DOCK10: variants seen among roughly 807,000 people sequenced by gnomAD.
The protein encoded by DOCK10 is dedicator of cytokinesis 10, also known as dedicator of cytokinesis protein 10.
DOCK10 carries 145 observed loss-of-function variants against 280.1 expected under a neutral mutation model. That is an observed-to-expected ratio of 0.52 (90% CI 0.45 to 0.59). DOCK10 has a LOEUF of 0.59. Ranked by LOEUF, DOCK10 falls within the 20% of genes least tolerant of loss-of-function variation. The probability of loss-of-function intolerance (pLI) is 0.00; values close to 1 mark genes in which losing one functional copy is unlikely to be tolerated. For missense variants in DOCK10, 2,368 were observed against 2,651.7 expected (o/e 0.89, Z 2.35); for synonymous variants, 915 against 942.2 (o/e 0.97, Z 0.53).
In DOCK10 at chr2:224,773,295, C is replaced by T. The variant is rs1205980654; in HGVS notation, c.6066G>A (p.Ser2022=). ...CTTCAATTGGATTCAGTTCTGTGCT[C>T]GATTGGCTAATTACTTGTATTCTCT... ...VKKRIQVISQ[S]STELNPIEVA... Residue 2022 remains serine, a synonymous_variant, in exon 53 of 56, where the codon TCG becomes TCA. Coordinates refer to ENST00000258390, the MANE Select transcript of DOCK10 (RefSeq NM_014689.3). 4.3e-6 allele frequency: 7 copies of T among 1,613,734 alleles called. No homozygotes were observed. Among genetic ancestry groups the T allele is most frequent in the Non-Finnish European group, 5.1e-6 (6 of 1,179,832 alleles).
chr2:224,898,817 C>T (rs769068200), intron 3 of DOCK10, among the ~76,000 whole-genome samples: 7 of 152,192 alleles, frequency 4.6e-5, no homozygotes, highest in African/African-American at 7.2e-5. Context: ...CCTCGTGATC[C>T]GCCTGCCTTG....
At chr2:225,035,550 A>ATATATATATATATAT (rs1553634847) in intron 1 of DOCK10, among the ~76,000 whole-genome samples, 1 of 17,494 alleles carries the variant, frequency 5.7e-5, no homozygotes, top group African/African-American at 2.2e-4. Flanking sequence ...TATTATATAT[A>ATATATATATATATAT]TATATATATA....
At chr2:224,880,247 C>T (rs148854463) in intron 7 of DOCK10, among the ~76,000 whole-genome samples, 36 of 152,150 alleles carry the variant, frequency 2.4e-4, no homozygotes, top group African/African-American at 6.5e-4. Flanking sequence ...AATAAATATT[C>T]GATTTGAAAT....
rs12328236 is a variant in DOCK10 at position 224,807,743 on chromosome 2, G to A, written c.3627C>T (p.Tyr1209=). The change falls in exon 33 of 56, where the codon TAC becomes TAT. Residue 1209 remains tyrosine, a synonymous_variant. Transcript: ENST00000258390. ...AQIASLYMPL[Y]GMLLDNMPRI... is the part of the protein sequence containing the mutation. Reference sequence around the variant, plus strand: ...TTGGCATATTGTCCAGGAGCATGCCGTACAGGGGCATGTATAAACTTGCTA... The same window carrying A: ...TTGGCATATTGTCCAGGAGCATGCCATACAGGGGCATGTATAAACTTGCTA... The A allele has an allele frequency of 0.11, 177,371 of 1,570,956 alleles. 13,489 individuals carry two copies. The highest frequency in any genetic ancestry group is 0.39 in the African/African-American group (29,235 of 74,036).
At position 224,797,861 on chromosome 2, in the gene DOCK10, A is replaced by G. The variant is rs1292989425; in HGVS notation, c.4615T>C (p.Phe1539Leu). The stretch of plus-strand genomic sequence containing the variant: ...CATACAAACAGTCTCAAGGAGGCAA[A>G]CACATGCTTCAGCGCTGTGGCTGAC... The part of the protein sequence containing the change: ...NQSATALKHV[F>L]ASLRLFVCKF... Residue 1539 changes from phenylalanine to leucine, a missense_variant, in exon 42 of 56, where the codon TTT becomes CTT. Physicochemically the swap from Phe to Leu is conservative, Grantham distance 22. Transcript: ENST00000258390. The G allele has an allele frequency of 6.2e-7, 1 of 1,613,854 alleles. No individual in the cohort carries two copies. The highest frequency in any genetic ancestry group is 1.1e-5 in the South Asian group (1 of 91,078).
At chr2:225,002,214 T>G (rs578149588) in intron 1 of DOCK10, among the ~76,000 whole-genome samples, 58 of 152,356 alleles carry the variant, frequency 3.8e-4, no homozygotes, top group African/African-American at 1.3e-3. Context: ...GTTTACCTGA[T>G]GCTAAACTCT....
chr2:224,773,141 G>A lies in DOCK10; in HGVS notation c.6204+16C>T, dbSNP rs1227605719. On this transcript the variant is annotated intron_variant, in intron 53 of 55. Transcript: ENST00000258390. Reference sequence around the variant, plus strand: ...ATTGGCCATGTGCATCTCAGCCCTGGGCAATGCTTACTCACCTTCACGCTG... The same window carrying A: ...ATTGGCCATGTGCATCTCAGCCCTGAGCAATGCTTACTCACCTTCACGCTG... 8.1e-6 allele frequency: 13 copies of A among 1,596,040 alleles called. No homozygotes were observed. The highest frequency in any genetic ancestry group is 1.1e-5 in the Non-Finnish European group (13 of 1,167,360).
At chr2:224,839,836 T>G in intron 24 of DOCK10, 118 bp downstream of exon 24, 1 of 458,402 alleles carries the variant, frequency 2.2e-6, no homozygotes, top group East Asian at 3.3e-5. Flanking sequence ...TGCTTAAATT[T>G]GAGATGTGTT....
intron 1 of DOCK10, among the ~76,000 whole-genome samples, chr2:224,969,521 A>C (rs1704964734): frequency 6.6e-6 from 1 of 152,168 alleles, no homozygotes; most frequent in African/African-American, 2.4e-5. Context: ...AGGGCTGTTC[A>C]CTGGTTCATT....
At chr2:224,901,784 G>A (rs1366532774) in intron 3 of DOCK10, among the ~76,000 whole-genome samples, 1 of 152,226 alleles carries the variant, frequency 6.6e-6, no homozygotes, top group Admixed American at 6.5e-5. Context: ...GATTCCACAT[G>A]AGTGATAATG....
chr2:224,983,817 A>G (rs1165449530), intron 1 of DOCK10: 1 of 471,052 alleles, frequency 2.1e-6, no homozygotes, highest in East Asian at 6.9e-5. Flanking sequence ...GTGCTGCTGG[A>G]AAAAGAAGAA....
At chr2:224,934,121 T>A (rs10498173) in intron 1 of DOCK10, among the ~76,000 whole-genome samples, 1 of 151,896 alleles carries the variant, frequency 6.6e-6, no homozygotes, top group Non-Finnish European at 1.5e-5. Context: ...GATCGTATAG[T>A]GGTTAGTACT....
chr2:224,909,913 T>C, intron 3 of DOCK10, among the ~76,000 whole-genome samples: 1 of 152,086 alleles, frequency 6.6e-6, no homozygotes, highest in East Asian at 1.9e-4. Context: ...AGGAAGAAGC[T>C]GTTCATTTTA....
chr2:224,965,896 G>A (rs780846594), intron 1 of DOCK10, among the ~76,000 whole-genome samples: 6 of 152,110 alleles, frequency 3.9e-5, no homozygotes, highest in Non-Finnish European at 5.9e-5. Flanking sequence ...TTATTTTTGG[G>A]GGAATAAATT....
intron 19 of DOCK10, among the ~76,000 whole-genome samples, chr2:224,849,207 C>T (rs1218860315): frequency 6.6e-6 from 1 of 152,176 alleles, no homozygotes; most frequent in East Asian, 1.9e-4. Context: ...ATCTCCTGAC[C>T]TTGTGATCCG....
At chr2:224,778,305 C>T (rs748237328) in intron 50 of DOCK10, 21 bp from the exon 51 acceptor site, 5 of 1,584,792 alleles carry the variant, frequency 3.2e-6, no homozygotes, top group Non-Finnish European at 4.3e-6. Context: ...TAATGAACCA[C>T]CAATTTTATT....
At position 224,826,736 on chromosome 2, in the gene DOCK10, T is replaced by C. The variant is rs572470600; in HGVS notation, c.3037-3089A>G. On this transcript the variant is annotated intron_variant, in intron 27 of 55. Coordinates refer to ENST00000258390, the MANE Select transcript of DOCK10 (RefSeq NM_014689.3). ...AAACCCCATCTTTACTAAATATATA[T>C]AATTATCTATCTATCTATCTATCTA... Among the ~76,000 whole-genome samples the C allele has an allele frequency of 2.7e-3, 311 of 116,358 alleles. 2 individuals carry two copies. The highest frequency in any genetic ancestry group is 5.1e-3 in the South Asian group (17 of 3,302). 76.3% of individuals were successfully genotyped at this position (116,358 alleles called of 152,430 possible).
In DOCK10 at chr2:224,830,612, G is replaced by C. The variant is rs761594614; in HGVS notation, c.2965C>G (p.His989Asp). The change falls in exon 27 of 56, where the codon CAT becomes GAT. Residue 989 changes from histidine to aspartate, a missense_variant and splice_region_variant. By Grantham distance (81) the His-to-Asp change is moderately conservative (BLOSUM62 -1). This residue lies in a region of DOCK10 where 1,209 missense variants were observed against 1,250.9 expected (regional missense o/e 0.97). Transcript: ENST00000258390. ...ATAATTGCAAAGAAGAACCAGGAAT[G>C]CTGTTGGGAAAAAAAAGGCAACGAG... ...DSTTVKHVLK[H>D]SWFFFAIILK... 3 of 1,513,636 alleles carry C rather than the reference G, an allele frequency of 2.0e-6. No individual in the cohort carries two copies. The East Asian group carries it at 6.9e-5, about 35-fold the overall frequency. The allele number at this position is 1,513,636 out of a possible 1,614,324, so 93.8% of individuals were successfully genotyped here.
chr2:224,983,667 G>C (rs1292292286), intron 1 of DOCK10: 15 of 434,672 alleles, frequency 3.5e-5, no homozygotes, highest in African/African-American at 2.9e-4. Flanking sequence ...GGCATTAATT[G>C]CTCAGTAATC....
Sources: allele counts gnomAD v4.1 joint callset (sites outside exome capture counted in the v4.1 genomes callset), GRCh38; gene constraint gnomAD v4.1.1; regional missense constraint gnomAD v4.1.1; transcripts MANE v1.5; gene names NCBI Gene and HGNC (gene_info 2026-07-23, HGNC 2026-07-21).